The following VASP variants were observed in gnomAD, a reference collection of about 807,000 sequenced individuals.
VASP encodes vasodilator-stimulated phosphoprotein.
VASP carries 27 observed loss-of-function variants against 54.4 expected under a neutral mutation model. The ratio of observed to expected loss-of-function variants is 0.50; its 90% CI spans 0.37 to 0.68. The LOEUF is 0.68. Among genes scored for constraint, VASP ranks in the 30% least tolerant of loss-of-function variants. The pLI is 0.00. For synonymous variants in VASP, 233 were observed against 209.8 expected, an observed-to-expected ratio of 1.11 and a Z score of -0.96; for missense variants, 488 against 528.3, an observed-to-expected ratio of 0.92 and a Z score of 0.75.
intron 1 of VASP, 93 bp from the exon 2 acceptor site, chr19:45,517,570 C>T (rs546869320): frequency 6.7e-7 from 1 of 1,502,336 alleles, no homozygotes; most frequent in East Asian, 2.3e-5. Flanking sequence ...TCACTCTCTT[C>T]CTTCCACACA....
rs572378878 is a variant in VASP at position 45,526,273 on chromosome 19, T to C, written c.*96T>C. ...ACTTGACTTGGAATTGGCTGAAGAC[T>C]ACACAGGAATGCATCGTTCCCACTC... On this transcript the variant is annotated 3_prime_UTR_variant, in exon 13 of 13. Coordinates refer to ENST00000245932, the MANE Select transcript of VASP (RefSeq NM_003370.4). 7.1e-7 allele frequency: 1 copy of C among 1,417,978 alleles called. No homozygotes were observed. Among genetic ancestry groups the C allele is most frequent in the African/African-American group, 1.4e-5 (1 of 69,152 alleles). The allele number at this position is 1,417,978 out of a possible 1,614,324, so 87.8% of individuals were successfully genotyped here. A position where few individuals can be genotyped will look rare whatever the true frequency, so the allele number is the denominator to read the frequency against.
At chr19:45,515,887 C>G (rs1045269660) in intron 1 of VASP, among the ~76,000 whole-genome samples, 13 of 152,210 alleles carry the variant, frequency 8.5e-5, no homozygotes, top group Admixed American at 7.8e-4. Context: ...CCCCACTGCC[C>G]TGGAGGTGGG....
chr19:45,509,173 G>C (rs181612999), intron 1 of VASP, among the ~76,000 whole-genome samples: 1 of 152,248 alleles, frequency 6.6e-6, no homozygotes, highest in African/African-American at 2.4e-5. Flanking sequence ...CCCCTCCCGC[G>C]TTTGTTCCTT....
intron 1 of VASP, among the ~76,000 whole-genome samples, chr19:45,508,460 C>G (rs993048117): frequency 2.0e-5 from 3 of 151,946 alleles, no homozygotes; most frequent in Middle Eastern, 3.2e-3. Context: ...TGCCTAGGAC[C>G]GAGCGGGCGC....
chr19:45,522,697 G>T lies in VASP; in HGVS notation c.721-21G>T, dbSNP rs151180704. The stretch of plus-strand genomic sequence containing the variant: ...CAAAAGGCCTGCCCCTAAAGCTCCT[G>T]CCCCTTTTAAATTTCTCCAGCAGGA... On this transcript the variant is annotated intron_variant, in intron 6 of 12. Transcript: ENST00000245932. 1.2e-4 allele frequency: 192 copies of T among 1,604,798 alleles called. 1 individual carries two copies. In the East Asian group the frequency reaches 4.3e-3, roughly 36 times the overall value.
At chr19:45,516,174 G>A (rs368538957) in intron 1 of VASP, among the ~76,000 whole-genome samples, 9 of 152,194 alleles carry the variant, frequency 5.9e-5, no homozygotes, top group African/African-American at 1.2e-4. Context: ...GGTTGGTACC[G>A]TCTGGGGACA....
At chr19:45,521,679 A>T (rs556495020) in intron 4 of VASP, among the ~76,000 whole-genome samples, 3 of 152,134 alleles carry the variant, frequency 2.0e-5, no homozygotes, top group African/African-American at 7.2e-5. Context: ...GCCTGAGGTC[A>T]GGAGTTTGAG....
Position 45,526,278 on chromosome 19 carries a change from A to G in VASP, c.*101A>G. On this transcript the variant is annotated 3_prime_UTR_variant, in exon 13 of 13. Coordinates refer to ENST00000245932, the MANE Select transcript of VASP (RefSeq NM_003370.4). Reference sequence around the variant, plus strand: ...ACTTGGAATTGGCTGAAGACTACACAGGAATGCATCGTTCCCACTCCCCAT... The same window carrying G: ...ACTTGGAATTGGCTGAAGACTACACGGGAATGCATCGTTCCCACTCCCCAT... 1 of 1,389,830 alleles carries G rather than the reference A, an allele frequency of 7.2e-7. No individual in the cohort carries two copies. The highest frequency in any genetic ancestry group is 1.4e-5 in the South Asian group (1 of 71,986). 86.1% of individuals were successfully genotyped at this position (1,389,830 alleles called of 1,614,324 possible).
At chr19:45,515,254 GACC>G (rs1968679344) in intron 1 of VASP, among the ~76,000 whole-genome samples, 1 of 152,122 alleles carries the variant, frequency 6.6e-6, no homozygotes. Flanking sequence ...GGAAACCTCT[GACC>G]ACCAACTTCC....
rs774158860 is a variant in VASP at position 45,507,541 on chromosome 19, T to C, written c.-231T>C. The C allele has an allele frequency of 5.8e-6, 3 of 520,106 alleles. No homozygotes were observed. The highest frequency in any genetic ancestry group is 1.0e-5 in the Non-Finnish European group (3 of 296,540). The allele number at this position is 520,106 out of a possible 1,614,324, so 32.2% of individuals were successfully genotyped here. On this transcript the variant is annotated 5_prime_UTR_variant, in exon 1 of 13. Transcript: ENST00000245932. The surrounding 1 kb of genome is among the most constrained non-coding windows in gnomAD (Gnocchi z 4.4). ...GGGGTGCGCGCTGGGGAGCGGACGC[T>C]GCATCCCCTTTCTGCTGCAGGAACC...
chr19:45,507,866 G>A lies in VASP; in HGVS notation c.5+90G>A, dbSNP rs1402037475. Reference sequence around the variant, plus strand: ...CCTCCCCCCCAGCTAGCTCCGGGCTGGAATTTGGGGACAGATCCTTGGGAG... The same window carrying A: ...CCTCCCCCCCAGCTAGCTCCGGGCTAGAATTTGGGGACAGATCCTTGGGAG... On this transcript the variant is annotated intron_variant, in intron 1 of 12. Transcript: ENST00000245932. The surrounding 1 kb of genome is among the most constrained non-coding windows in gnomAD (Gnocchi z 4.4). 5.0e-6 allele frequency: 4 copies of A among 806,866 alleles called. No individual in the cohort carries two copies. The African/African-American group carries it at 5.5e-5, about 11-fold the overall frequency. 50.0% of individuals were successfully genotyped at this position (806,866 alleles called of 1,614,324 possible).
chr19:45,522,609 G>A (rs1381213902), intron 6 of VASP, 28 bp downstream of exon 6: 1 of 1,501,928 alleles, frequency 6.7e-7, no homozygotes, highest in Non-Finnish European at 8.8e-7. Flanking sequence ...GTGGGCAGGG[G>A]GCAACAGGGC....
chr19:45,521,626 C>T lies in VASP; in HGVS notation c.428+220C>T, dbSNP rs1471751329. Among the ~76,000 whole-genome samples, 5 of 152,208 alleles carry T rather than the reference C, an allele frequency of 3.3e-5. No individual in the cohort carries two copies. In the South Asian group the frequency reaches 6.2e-4, roughly 19 times the overall value. ...TCTTGTGGCTGGGCGTGGTGGCTCACGCCTGTAATCCCAGCACTCTGGGAG... is the reference window on the plus strand; with the variant it reads ...TCTTGTGGCTGGGCGTGGTGGCTCATGCCTGTAATCCCAGCACTCTGGGAG... On this transcript the variant is annotated intron_variant, in intron 4 of 12. Transcript: ENST00000245932.
intron 3 of VASP, among the ~76,000 whole-genome samples, chr19:45,519,893 C>CTTTTTTTTTT (rs1482171579): frequency 3.8e-5 from 2 of 53,306 alleles, no homozygotes; most frequent in African/African-American, 1.5e-4. Flanking sequence ...CTGCGCCCGG[C>CTTTTTTTTTT]CTTTTTTTTT....
chr19:45,517,284 G>A (rs1043606154), intron 1 of VASP, among the ~76,000 whole-genome samples: 4 of 151,774 alleles, frequency 2.6e-5, no homozygotes, highest in Admixed American at 6.6e-5. Flanking sequence ...GAGACACCAC[G>A]CCAAGACCAT....
Position 45,522,378 on chromosome 19 carries a change from C to T in VASP, c.517C>T (p.Pro173Ser). Residue 173 changes from proline (P) to serine (S), a missense_variant, in exon 6 of 13, where the codon CCA becomes TCA. Transcript: ENST00000245932. ...TCCCCCCGCTGGGGGTCCACCCCCA[C>T]CACCAGGACCTCCCCCTCCTCCAGG... The part of the protein sequence containing the change: ...PAPPAGGPPP[P>S]PGPPPPPGPP... The T allele has an allele frequency of 6.5e-7, 1 of 1,536,912 alleles. No individual in the cohort carries two copies. Among genetic ancestry groups the T allele is most frequent in the South Asian group, 1.2e-5 (1 of 83,768 alleles).
rs1473202785 is a variant in VASP, at chr19:45,526,423, G to C, written c.*246G>C. On this transcript the variant is annotated 3_prime_UTR_variant, in exon 13 of 13. Coordinates refer to ENST00000245932, the MANE Select transcript of VASP (RefSeq NM_003370.4). ...GGTCCTTCCCCTCTGCCATCCCCTT[G>C]GGGCCGGTCCCTCTGCTGGGGATGC... The C allele has an allele frequency of 6.4e-6, 3 of 470,502 alleles. No homozygotes were observed. The highest frequency in any genetic ancestry group is 4.0e-5 in the African/African-American group (2 of 49,430). 29.1% of individuals were successfully genotyped at this position (470,502 alleles called of 1,614,324 possible).
intron 1 of VASP, among the ~76,000 whole-genome samples, chr19:45,511,649 C>T (rs1022517261): frequency 9.8e-5 from 15 of 152,290 alleles, no homozygotes; most frequent in African/African-American, 3.6e-4. Context: ...ACAGCCCCCG[C>T]ACCCCCGTTT....
intron 6 of VASP, 30 bp downstream of exon 6, chr19:45,522,611 C>T (rs1170566825): frequency 2.0e-6 from 3 of 1,504,604 alleles, no homozygotes; most frequent in Non-Finnish European, 2.6e-6. Context: ...GGGCAGGGGG[C>T]AACAGGGCTT....
Sources: gnomAD v4.1 joint callset for allele counts (sites outside exome capture counted in the v4.1 genomes callset) on GRCh38, gnomAD v4.1.1 for gene constraint, Gnocchi (gnomAD v3.1) non-coding constraint, MANE v1.5 for transcripts, NCBI Gene and HGNC (gene_info 2026-07-23, HGNC 2026-07-21) for gene names.